Variants in CNTNAP3B observed in about 807,000 individuals in gnomAD.
The protein encoded by CNTNAP3B is contactin-associated protein-like 3B.
CNTNAP3B carries 25 observed loss-of-function variants against 108.9 expected under a neutral mutation model. The observed-to-expected ratio is 0.23, with a 90% CI of 0.17 to 0.32. The LOEUF (loss-of-function observed/expected upper bound fraction) is 0.32, where lower values mean the gene tolerates loss of function less well. Ranked by LOEUF, CNTNAP3B falls within the 10% of genes least tolerant of loss-of-function variation. CNTNAP3B has a pLI of 1.00. For synonymous variants in CNTNAP3B, 103 were observed against 473.4 expected (o/e 0.22, Z 10.16); for missense variants, 252 against 1,210.4 (o/e 0.21, Z 11.75).
intron 4 of CNTNAP3B, among the ~76,000 whole-genome samples, chr9:42,002,451 C>T (rs1388999355): frequency 1.0e-5 from 1 of 97,248 alleles, no homozygotes; most frequent in African/African-American, 3.9e-5. Context: ...CAAAGAATAC[C>T]GGAAAAACTA....
chr9:41,921,130 T>A (rs1355594130), intron 17 of CNTNAP3B, among the ~76,000 whole-genome samples: 1 of 152,312 alleles, frequency 6.6e-6, no homozygotes, highest in Non-Finnish European at 1.5e-5. Flanking sequence ...AAATCTGAAC[T>A]ATCAATCAGC....
intron 3 of CNTNAP3B, among the ~76,000 whole-genome samples, chr9:42,043,253 C>T (rs1328476993): frequency 6.5e-5 from 7 of 108,370 alleles, no homozygotes; most frequent in Admixed American, 9.3e-5. Context: ...CTGCAACCTC[C>T]GCCTCCTGGG....
intron 13 of CNTNAP3B, among the ~76,000 whole-genome samples, chr9:41,950,533 G>A (rs185040684): frequency 3.4e-5 from 4 of 118,476 alleles, no homozygotes; most frequent in Admixed American, 1.7e-4. Context: ...CCATGCCACC[G>A]ATTGCTAATC....
intron 2 of CNTNAP3B, among the ~76,000 whole-genome samples, chr9:42,087,589 TCATGTTGTTGTTTGTGGTGC>T (rs1224030857): frequency 1.4e-5 from 2 of 144,824 alleles, no homozygotes; most frequent in African/African-American, 5.2e-5. Context: ...ATGCTGAAAC[TCATGTTGTTGTTTGTGGTGC>T]CATGAGTAAT....
At chr9:42,096,950 G>C (rs1827913704) in intron 2 of CNTNAP3B, among the ~76,000 whole-genome samples, 1 of 128,994 alleles carries the variant, frequency 7.8e-6, no homozygotes, top group East Asian at 2.4e-4. Context: ...ACAGGGTTTT[G>C]ATGTTGCCCA....
At chr9:41,931,023 A>C (rs2118009667) in intron 14 of CNTNAP3B, among the ~76,000 whole-genome samples, 1 of 152,394 alleles carries the variant, frequency 6.6e-6, no homozygotes, top group East Asian at 1.9e-4. Context: ...CTCTTAGTCC[A>C]GTTACGGTTA....
intron 12 of CNTNAP3B, chr9:41,959,996 C>CTTTTTTTTTTTTTTTTTTTTTTCT (rs144746031): frequency 7.3e-6 from 1 of 137,252 alleles, no homozygotes; most frequent in Non-Finnish European, 1.6e-5. Flanking sequence ...TCTTTTTTTC[C>CTTTTTTTTTTTTTTTTTTTTTTCT]TTTTTTTTTT....
intron 10 of CNTNAP3B, among the ~76,000 whole-genome samples, chr9:41,968,089 C>G (rs1825335023): frequency 6.6e-6 from 1 of 152,226 alleles, no homozygotes; most frequent in Admixed American, 6.5e-5. Context: ...ACTTTGGGAG[C>G]TACATGCACA....
At chr9:41,928,393 G>T (rs533073884) in intron 15 of CNTNAP3B, among the ~76,000 whole-genome samples, 2 of 152,172 alleles carry the variant, frequency 1.3e-5, no homozygotes, top group Non-Finnish European at 1.5e-5. Context: ...CCAGACAAGG[G>T]TCCGGGACTC....
At chr9:42,018,848 G>A (rs1337121705) in intron 3 of CNTNAP3B, among the ~76,000 whole-genome samples, 1 of 151,740 alleles carries the variant, frequency 6.6e-6, no homozygotes, top group African/African-American at 2.4e-5. Context: ...TGAACACTGG[G>A]GAGAATGATG....
intron 3 of CNTNAP3B, among the ~76,000 whole-genome samples, chr9:42,050,117 G>A (rs1826948672): frequency 3.1e-5 from 1 of 32,000 alleles, no homozygotes; most frequent in Non-Finnish European, 7.2e-5. Flanking sequence ...TGGGATTACA[G>A]GTATGAACCA....
Position 42,076,456 on chromosome 9 carries a change from T to G in CNTNAP3B, c.390+413A>C, listed in dbSNP as rs1222004466. 5.6e-4 allele frequency among the ~76,000 whole-genome samples: 66 copies of G among 118,742 alleles called. 5 individuals are homozygous for G. Among genetic ancestry groups the G allele is most frequent in the Admixed American group, 4.0e-3 (47 of 11,834 alleles). The allele number at this position is 118,742 out of a possible 152,430, so 77.9% of individuals were successfully genotyped here. ...AAAAAAAAAAAAAAACAAGAAAAAC[T>G]AAATCTGGCTGCTTAATAAAGGACA... On this transcript the variant is annotated intron_variant, in intron 3 of 23. Coordinates refer to ENST00000377561, the MANE Select transcript of CNTNAP3B (RefSeq NM_001201380.3).
intron 2 of CNTNAP3B, among the ~76,000 whole-genome samples, chr9:42,098,411 A>C (rs1342647889): frequency 4.1e-5 from 1 of 24,348 alleles, no homozygotes; most frequent in South Asian, 2.0e-3. Context: ...TTCTCTACTA[A>C]AAATACAAAA....
rs1403276966 is a variant in CNTNAP3B, at chr9:42,095,917, G to A, written c.196+8712C>T. The stretch of plus-strand genomic sequence containing the variant: ...GCACTGCACTGTCCTCAGGGATGGC[G>A]ACCTGCTGCCGACGGAGCCAAGTCC... On this transcript the variant is annotated intron_variant, in intron 2 of 23. Coordinates refer to ENST00000377561, the MANE Select transcript of CNTNAP3B (RefSeq NM_001201380.3). 3.6e-5 allele frequency among the ~76,000 whole-genome samples: 5 copies of A among 138,682 alleles called. 1 individual carries two copies. Among genetic ancestry groups the A allele is most frequent in the Admixed American group, 7.2e-5 (1 of 13,948 alleles). 91.0% of individuals were successfully genotyped at this position (138,682 alleles called of 152,430 possible). A position where few individuals can be genotyped will look rare whatever the true frequency, so the allele number is the denominator to read the frequency against.
intron 12 of CNTNAP3B, among the ~76,000 whole-genome samples, chr9:41,959,279 A>G (rs1824979105): frequency 6.6e-6 from 1 of 151,838 alleles, no homozygotes; most frequent in African/African-American, 2.4e-5. Context: ...CTATTAGAGT[A>G]GTTTGAAATT....
At chr9:42,049,163 T>C (rs1826928481) in intron 3 of CNTNAP3B, among the ~76,000 whole-genome samples, 1 of 124,386 alleles carries the variant, frequency 8.0e-6, no homozygotes, top group Non-Finnish European at 1.7e-5. Flanking sequence ...GAGCTCCAGC[T>C]GCTTCACTTC....
At position 42,119,550 on chromosome 9, in the gene CNTNAP3B, G is replaced by A. The variant is rs909598928; in HGVS notation, c.85+9460C>T. 3.1e-3 allele frequency among the ~76,000 whole-genome samples: 394 copies of A among 127,110 alleles called. 56 individuals are homozygous for A. The highest frequency in any genetic ancestry group is 9.7e-3 in the African/African-American group (302 of 31,262). 83.4% of individuals were successfully genotyped at this position (127,110 alleles called of 152,430 possible). A position where few individuals can be genotyped will look rare whatever the true frequency, so the allele number is the denominator to read the frequency against. On this transcript the variant is annotated intron_variant, in intron 1 of 23. Transcript: ENST00000377561. Reference sequence around the variant, plus strand: ...AATCCTAAGCCAAAAGAACAAAGCTGGAGGCATCACACTACCTGACTTCAA... The same window carrying A: ...AATCCTAAGCCAAAAGAACAAAGCTAGAGGCATCACACTACCTGACTTCAA...
intron 3 of CNTNAP3B, among the ~76,000 whole-genome samples, chr9:42,059,758 CATT>C (rs1827138416): frequency 2.0e-5 from 1 of 50,496 alleles, no homozygotes; most frequent in Non-Finnish European, 4.7e-5. Context: ...ATGCCCAGCT[CATT>C]GTTTATTTTT....
chr9:42,116,815 A>T (rs2118731845), intron 1 of CNTNAP3B, among the ~76,000 whole-genome samples: 1 of 138,148 alleles, frequency 7.2e-6, no homozygotes, highest in East Asian at 2.2e-4. Flanking sequence ...CTCAAAATAA[A>T]GGTATGGAGG....
Sources: allele counts gnomAD v4.1 joint callset (sites outside exome capture counted in the v4.1 genomes callset), GRCh38; gene constraint gnomAD v4.1.1; transcripts MANE v1.5; gene names NCBI Gene and HGNC (gene_info 2026-07-23, HGNC 2026-07-21).